The following FGF12 variants were observed in gnomAD, a reference collection of about 807,000 sequenced individuals.
FGF12 encodes the protein fibroblast growth factor 12B.
A neutral mutation model predicts 23.6 loss-of-function variants in FGF12; 14 were observed. The observed-to-expected ratio is 0.59, with a 90% confidence interval of 0.39 to 0.93. FGF12 has a LOEUF of 0.93. Among genes scored for constraint, FGF12 ranks in the 40% least tolerant of loss-of-function variants. The probability of loss-of-function intolerance (pLI) is 0.00; values close to 1 mark genes in which losing one functional copy is unlikely to be tolerated. For synonymous variants in FGF12, 62 were observed against 77.3 expected, an observed-to-expected ratio of 0.80 and a Z score of 1.04; for missense variants, 175 against 217.8, an observed-to-expected ratio of 0.80 and a Z score of 1.24.
intron 4 of FGF12, among the ~76,000 whole-genome samples, chr3:192,280,941 G>A (rs145240860): frequency 9.9e-5 from 15 of 152,126 alleles, no homozygotes; most frequent in Admixed American, 2.0e-4. Flanking sequence ...TGAAAATTCT[G>A]TTTCATTACA....
chr3:192,473,452 A>G (rs926010604), intron 2 of FGF12, among the ~76,000 whole-genome samples: 12 of 152,330 alleles, frequency 7.9e-5, no homozygotes, highest in African/African-American at 2.4e-4. Context: ...AATCCAGGAA[A>G]TGAAATACAG....
intron 2 of FGF12, among the ~76,000 whole-genome samples, chr3:192,725,739 A>G (rs1295483653): frequency 6.6e-6 from 1 of 152,238 alleles, no homozygotes; most frequent in South Asian, 2.1e-4. Flanking sequence ...GTTTCATAGT[A>G]AAATGATATT....
At chr3:192,702,614 G>A (rs1056832923) in intron 2 of FGF12, among the ~76,000 whole-genome samples, 17 of 152,002 alleles carry the variant, frequency 1.1e-4, no homozygotes, top group Non-Finnish European at 5.9e-5. Flanking sequence ...GCAACATGGC[G>A]AAACCCTAGC....
chr3:192,618,740 C>T (rs1714858547), intron 2 of FGF12, among the ~76,000 whole-genome samples: 1 of 151,680 alleles, frequency 6.6e-6, no homozygotes, highest in Non-Finnish European at 1.5e-5. Context: ...CTTCTGCCTT[C>T]ATAGATCAAA....
At chr3:192,423,685 T>C (rs1407560804) in intron 2 of FGF12, among the ~76,000 whole-genome samples, 1 of 152,190 alleles carries the variant, frequency 6.6e-6, no homozygotes, top group Non-Finnish European at 1.5e-5. Context: ...ACACAGTTCT[T>C]GGTAGCTTAA....
intron 2 of FGF12, among the ~76,000 whole-genome samples, chr3:192,389,715 T>C (rs2108760399): frequency 6.6e-6 from 1 of 152,334 alleles, no homozygotes; most frequent in East Asian, 1.9e-4. Context: ...TTTCAAAATG[T>C]ATAATTTCTA....
chr3:192,542,336 A>G (rs1725390219), intron 2 of FGF12, among the ~76,000 whole-genome samples: 2 of 152,302 alleles, frequency 1.3e-5, no homozygotes, highest in African/African-American at 2.4e-5. Context: ...GAATTTCTGC[A>G]TAATTCTTTT....
intron 3 of FGF12, among the ~76,000 whole-genome samples, chr3:192,356,010 G>C (rs972071564): frequency 1.3e-5 from 2 of 152,162 alleles, no homozygotes; most frequent in Non-Finnish European, 2.9e-5. Context: ...CCACCTGCTG[G>C]CTGTCAGGGA....
At chr3:192,662,550 A>T (rs1026372959) in intron 2 of FGF12, among the ~76,000 whole-genome samples, 26 of 152,334 alleles carry the variant, frequency 1.7e-4, no homozygotes, top group Non-Finnish European at 3.1e-4. Flanking sequence ...AGGAGGTCTG[A>T]CTTGGATCCT....
chr3:192,226,924 T>TAA lies in FGF12; in HGVS notation c.229-56270_229-56269dup, dbSNP rs58887903. Among the ~76,000 whole-genome samples, 104 of 151,410 alleles carry TAA rather than the reference T, an allele frequency of 6.9e-4. 4 individuals carry two copies. The East Asian group carries it at 0.011, about 15-fold the overall frequency. ...AATATATTCAATATTGTGTGTCAATTAAAAAAAATGAATATAATGATAAAA... is the reference window on the plus strand; with the variant it reads ...AATATATTCAATATTGTGTGTCAATTAAAAAAAAAATGAATATAATGATAAAA... On this transcript the variant is annotated intron_variant, in intron 4 of 5. Transcript: ENST00000445105.
intron 5 of FGF12, among the ~76,000 whole-genome samples, chr3:192,162,438 GAA>G (rs1236932757): frequency 6.6e-6 from 1 of 152,078 alleles, no homozygotes; most frequent in Non-Finnish European, 1.5e-5. Context: ...CAAAGAGAGA[GAA>G]AGAGGAAGAA....
chr3:192,544,380 C>T (rs935540952), intron 2 of FGF12, among the ~76,000 whole-genome samples: 3 of 152,082 alleles, frequency 2.0e-5, no homozygotes, highest in African/African-American at 4.8e-5. Flanking sequence ...TATGAAGGTG[C>T]TTTTTTGTGT....
intron 2 of FGF12, chr3:192,726,946 C>A (rs1007994220): frequency 5.0e-5 from 28 of 562,788 alleles, no homozygotes; most frequent in African/African-American, 4.7e-4. Context: ...CCAAAAAACT[C>A]ATCACAGTTC....
intron 2 of FGF12, among the ~76,000 whole-genome samples, chr3:192,487,345 T>C (rs1022376871): frequency 6.6e-6 from 1 of 152,124 alleles, no homozygotes; most frequent in Non-Finnish European, 1.5e-5. Flanking sequence ...TTTCTAAACC[T>C]GATCTTAATT....
intron 2 of FGF12, among the ~76,000 whole-genome samples, chr3:192,403,895 C>A (rs894099318): frequency 6.6e-6 from 1 of 152,114 alleles, no homozygotes; most frequent in Non-Finnish European, 1.5e-5. Flanking sequence ...AAACACTGTG[C>A]ATCTACCGAA....
chr3:192,632,030 G>A (rs955108198), intron 2 of FGF12, among the ~76,000 whole-genome samples: 1 of 152,138 alleles, frequency 6.6e-6, no homozygotes, highest in African/African-American at 2.4e-5. Context: ...TCTCTCAGGA[G>A]AGCAACGCAA....
intron 2 of FGF12, among the ~76,000 whole-genome samples, chr3:192,418,817 A>T (rs139342635): frequency 6.6e-6 from 1 of 152,188 alleles, no homozygotes; most frequent in Non-Finnish European, 1.5e-5. Context: ...CTCCCAAGCT[A>T]CGCTTCCTGT....
At chr3:192,375,849 TTCA>T (rs1290481804) in intron 2 of FGF12, among the ~76,000 whole-genome samples, 3 of 150,808 alleles carry the variant, frequency 2.0e-5, no homozygotes, top group Non-Finnish European at 4.4e-5. Context: ...GGAAAAAAAT[TTCA>T]TCATCTTCTA....
At chr3:192,489,142 A>C (rs1723724121) in intron 2 of FGF12, among the ~76,000 whole-genome samples, 1 of 152,086 alleles carries the variant, frequency 6.6e-6, no homozygotes, top group Non-Finnish European at 1.5e-5. Flanking sequence ...GCTGGGCCAA[A>C]GTAACTTTTA....
Sources: gnomAD v4.1 joint callset for allele counts (sites outside exome capture counted in the v4.1 genomes callset) on GRCh38, gnomAD v4.1.1 for gene constraint, MANE v1.5 for transcripts, NCBI Gene and HGNC (gene_info 2026-07-23, HGNC 2026-07-21) for gene names.